GLG1: variants seen among roughly 807,000 people sequenced by gnomAD.
The protein encoded by GLG1 is golgi glycoprotein 1.
A neutral mutation model predicts 160.5 loss-of-function variants in GLG1; 38 were observed. That is an observed-to-expected ratio of 0.24 (90% CI 0.18 to 0.31). The LOEUF (loss-of-function observed/expected upper bound fraction) is 0.31, where lower values mean the gene tolerates loss of function less well. GLG1 is among the 10% of genes least tolerant of loss of function. GLG1 has a pLI of 1.00. For missense variants in GLG1, 1,373 were observed against 1,505.2 expected, an observed-to-expected ratio of 0.91 and a Z score of 1.45; for synonymous variants, 644 against 543.4, an observed-to-expected ratio of 1.19 and a Z score of -2.57.
At chr16:74,506,607 C>CAA (rs1567489940) in intron 3 of GLG1, among the ~76,000 whole-genome samples, 9 of 126,710 alleles carry the variant, frequency 7.1e-5, no homozygotes, top group African/African-American at 1.2e-4. Context: ...AAAAAAAACT[C>CAA]AAGAGAAACC....
At position 74,452,031 on chromosome 16, in the gene GLG1, A is replaced by G. The variant is rs770281947; in HGVS notation, c.*1136T>C. 2.6e-6 allele frequency: 4 copies of G among 1,545,332 alleles called. No homozygotes were observed. In the Admixed American group the frequency reaches 5.0e-5, roughly 19 times the overall value. ...GAGGCACAAAGGAGCTTGTCTGGGA[A>G]GTTTGTCTGGAGTGTGCAGAAAGGT... On this transcript the variant is annotated 3_prime_UTR_variant, in exon 26 of 26. Transcript: ENST00000422840.
chr16:74,469,182 T>C lies in GLG1; in HGVS notation c.2319-119A>G, dbSNP rs116280787. 2,858 of 698,638 alleles carry C rather than the reference T, an allele frequency of 4.1e-3. 56 individuals are homozygous for C. In the African/African-American group the frequency reaches 0.044, roughly 11 times the overall value. 43.3% of individuals were successfully genotyped at this position (698,638 alleles called of 1,614,324 possible). On this transcript the variant is annotated intron_variant, in intron 16 of 25. Transcript: ENST00000422840. ...AAGATGCCCTTTGGGGGAATGTCTT[T>C]CCTGTAAGGCTCACTGTATTTTTTT...
intron 1 of GLG1, among the ~76,000 whole-genome samples, chr16:74,597,231 G>C (rs12443903): frequency 2.0e-5 from 3 of 151,682 alleles, no homozygotes; most frequent in Admixed American, 2.0e-4. Flanking sequence ...AAGAGATCAA[G>C]ACCAGCATGT....
chr16:74,516,384 A>C (rs1361948068), intron 2 of GLG1, among the ~76,000 whole-genome samples: 1 of 151,834 alleles, frequency 6.6e-6, no homozygotes, highest in East Asian at 1.9e-4. Context: ...TCAAACTAGA[A>C]CTCAGGATTA....
At chr16:74,573,054 C>T (rs1042173445) in intron 1 of GLG1, among the ~76,000 whole-genome samples, 9 of 152,160 alleles carry the variant, frequency 5.9e-5, no homozygotes, top group Admixed American at 1.3e-4. Context: ...ACATCTGGTG[C>T]CAGAAGTGTT....
chr16:74,507,499 G>A (rs991704393), intron 3 of GLG1, among the ~76,000 whole-genome samples: 4 of 152,208 alleles, frequency 2.6e-5, no homozygotes, highest in Non-Finnish European at 4.4e-5. Context: ...CACTTTGGGA[G>A]GTTGAGGTGG....
chr16:74,602,845 C>A (rs778537392), intron 1 of GLG1, among the ~76,000 whole-genome samples: 1 of 151,770 alleles, frequency 6.6e-6, no homozygotes, highest in Non-Finnish European at 1.5e-5. Flanking sequence ...GACTCATTAC[C>A]CTATTCTCTC....
At chr16:74,454,859 T>G (rs543738630) in intron 25 of GLG1, among the ~76,000 whole-genome samples, 22 of 151,200 alleles carry the variant, frequency 1.5e-4, no homozygotes, top group Middle Eastern at 6.8e-3. Context: ...CATTCACCAT[T>G]ATATCATAAG....
intron 1 of GLG1, among the ~76,000 whole-genome samples, chr16:74,593,430 C>CTTTT (rs11342633): frequency 3.1e-5 from 3 of 96,408 alleles, no homozygotes; most frequent in Admixed American, 1.2e-4. Flanking sequence ...AGTACCAGAG[C>CTTTT]TTTTTTTTTT....
Position 74,606,715 on chromosome 16 carries a change from G to T in GLG1, c.380C>A (p.Pro127His). ...SCREDVTRVCPKHTWSNNLAV... is the reference protein window; with the variant it reads ...SCREDVTRVCHKHTWSNNLAV... ...CAGGTTGTTGCTCCAGGTGTGCTTA[G>T]GGCACACGCGGGTCACGTCCTCCCT... The change falls in exon 1 of 26, where the codon CCT becomes CAT. Residue 127 changes from proline (P) to histidine (H), a missense_variant. By Grantham distance (77) the Pro-to-His change is moderately conservative (BLOSUM62 -2). Around this residue, in one of 4 missense-constraint regions of GLG1, gnomAD observed 322 missense variants for 254.6 expected, o/e 1.26. Transcript: ENST00000422840. 2 of 1,612,344 alleles carry T rather than the reference G, an allele frequency of 1.2e-6. No individual in the cohort carries two copies. The highest frequency in any genetic ancestry group is 1.7e-6 in the Non-Finnish European group (2 of 1,178,874).
intron 1 of GLG1, among the ~76,000 whole-genome samples, chr16:74,560,038 C>T (rs1375145778): frequency 1.3e-5 from 2 of 152,112 alleles, no homozygotes; most frequent in Non-Finnish European, 2.9e-5. Context: ...TCAGATTGTA[C>T]TAGGTATTTT....
intron 1 of GLG1, 76 bp downstream of exon 1, chr16:74,606,581 C>T (rs545547962): frequency 7.8e-7 from 1 of 1,277,766 alleles, no homozygotes; most frequent in South Asian, 1.4e-5. Context: ...CGACCGGCGT[C>T]AGCGGCTTCC....
chr16:74,529,124 AC>A, intron 2 of GLG1, among the ~76,000 whole-genome samples: 1 of 151,582 alleles, frequency 6.6e-6, no homozygotes, highest in East Asian at 2.0e-4. Context: ...CTGCCACCAC[AC>A]CCAGCTGATT....
At chr16:74,599,405 G>A (rs1458610168) in intron 1 of GLG1, among the ~76,000 whole-genome samples, 2 of 152,096 alleles carry the variant, frequency 1.3e-5, no homozygotes, top group Admixed American at 6.6e-5. Flanking sequence ...ACAAAGCACC[G>A]GAGCTGGAAG....
chr16:74,462,139 C>T lies in GLG1; in HGVS notation c.2991G>A (p.Leu997=), dbSNP rs373541732. 36 of 1,610,420 alleles carry T rather than the reference C, an allele frequency of 2.2e-5. No individual in the cohort carries two copies. The highest frequency in any genetic ancestry group is 3.0e-5 in the Non-Finnish European group (35 of 1,176,940). The change falls in exon 22 of 26, where the codon CTG becomes CTA. Residue 997 remains leucine, a synonymous_variant. Transcript: ENST00000422840. Reference sequence around the variant, plus strand: ...GGAGCTGAGGATCCAGGCGGTAGTCCAGGGCGGACTCCTGGATAATGATTC... The same window carrying T: ...GGAGCTGAGGATCCAGGCGGTAGTCTAGGGCGGACTCCTGGATAATGATTC... ...QIRIIIQESA[L]DYRLDPQLQL... is the part of the protein sequence containing the mutation.
At chr16:74,494,264 A>G (rs2016103467) in intron 6 of GLG1, among the ~76,000 whole-genome samples, 1 of 151,962 alleles carries the variant, frequency 6.6e-6, no homozygotes, top group Non-Finnish European at 1.5e-5. Context: ...AGATATCACA[A>G]TCAGGGTTTC....
intron 1 of GLG1, among the ~76,000 whole-genome samples, chr16:74,565,755 T>G (rs983735182): frequency 9.2e-5 from 14 of 152,256 alleles, no homozygotes; most frequent in African/African-American, 3.4e-4. Flanking sequence ...TTTGCACAAT[T>G]AAATTCTGTT....
At chr16:74,558,737 A>G (rs568595886) in intron 1 of GLG1, among the ~76,000 whole-genome samples, 1 of 152,226 alleles carries the variant, frequency 6.6e-6, no homozygotes, top group African/African-American at 2.4e-5. Flanking sequence ...TGACCCTACG[A>G]GTTTCATGGT....
intron 2 of GLG1, among the ~76,000 whole-genome samples, chr16:74,511,167 C>T (rs1184736124): frequency 2.0e-5 from 3 of 152,070 alleles, no homozygotes; most frequent in Non-Finnish European, 2.9e-5. Flanking sequence ...GTGACACGAC[C>T]AGATCTGCTT....
Sources: allele counts gnomAD v4.1 joint callset (sites outside exome capture counted in the v4.1 genomes callset), GRCh38; gene constraint gnomAD v4.1.1; regional missense constraint gnomAD v4.1.1; transcripts MANE v1.5; gene names NCBI Gene and HGNC (gene_info 2026-07-23, HGNC 2026-07-21).